The following MDN1 variants were observed in gnomAD, a reference collection of about 807,000 sequenced individuals.
MDN1 encodes the protein midasin AAA ATPase 1, also known as midasin.
A neutral mutation model predicts 669.2 loss-of-function variants in MDN1; 266 were observed. That is an observed-to-expected ratio of 0.40 (90% CI 0.36 to 0.44). The LOEUF (loss-of-function observed/expected upper bound fraction) is 0.44, where lower values mean the gene tolerates loss of function less well. Ranked by LOEUF, MDN1 falls within the 20% of genes least tolerant of loss-of-function variation. The pLI, the probability that MDN1 is intolerant of heterozygous loss-of-function variation, is 1.00. For missense variants in MDN1, 5,940 were observed against 6,754.0 expected, an observed-to-expected ratio of 0.88 and a Z score of 4.22; for synonymous variants, 2,385 against 2,457.1, an observed-to-expected ratio of 0.97 and a Z score of 0.87.
chr6:89,745,134 TAA>T (rs60588845), intron 29 of MDN1, 137 bp downstream of exon 29: 1,363 of 281,470 alleles, frequency 4.8e-3, no homozygotes, highest in Middle Eastern at 6.1e-3. Context: ...AGTCTCTTCT[TAA>T]AAAAAAAAAA....
At chr6:89,775,334 T>TCATGATTAACATATGTA (rs1319269272) in intron 12 of MDN1, among the ~76,000 whole-genome samples, 2 of 152,342 alleles carry the variant, frequency 1.3e-5, no homozygotes, top group African/African-American at 4.8e-5. Context: ...TTCTTCTTTC[T>TCATGATTAACATATGTA]CATGATTAAC....
At chr6:89,781,261 A>G (rs1325909066) in intron 10 of MDN1, 138 bp downstream of exon 10, 5 of 750,128 alleles carry the variant, frequency 6.7e-6, no homozygotes, top group Non-Finnish European at 1.1e-5. Flanking sequence ...TCTAGCTGGT[A>G]AGAACTTTGA....
intron 58 of MDN1, 133 bp from the exon 59 acceptor site, chr6:89,699,168 C>CT (rs1294753620): frequency 5.3e-6 from 4 of 755,864 alleles, no homozygotes; most frequent in Non-Finnish European, 8.2e-6. Context: ...TTCCGTTTCT[C>CT]TGCCACCCCA....
At chr6:89,775,377 G>A (rs1186359395) in intron 12 of MDN1, among the ~76,000 whole-genome samples, 2 of 152,096 alleles carry the variant, frequency 1.3e-5, no homozygotes, top group Non-Finnish European at 2.9e-5. Flanking sequence ...TCAGTAGGAC[G>A]TTCTATGACC....
rs147487565 is a variant in MDN1, at chr6:89,722,610, AG to A, written c.5967+344del. 7.8e-3 allele frequency among the ~76,000 whole-genome samples: 1,188 copies of A among 152,316 alleles called. 17 individuals carry two copies. The highest frequency in any genetic ancestry group is 0.027 in the African/African-American group (1,131 of 41,558). ...ACGCCTGTAATCCCAGCACTTTGGG[AG>A]GCTGAGACAGGTGGATCATCTGAAT... On this transcript the variant is annotated intron_variant, in intron 40 of 101. Coordinates refer to ENST00000369393, the MANE Select transcript of MDN1 (RefSeq NM_014611.3).
intron 12 of MDN1, among the ~76,000 whole-genome samples, chr6:89,775,009 G>C (rs931566381): frequency 6.6e-6 from 1 of 152,070 alleles, no homozygotes; most frequent in Admixed American, 6.6e-5. Context: ...AATAGAGAAA[G>C]TGAACAGTAA....
chr6:89,662,683 G>T, intron 86 of MDN1, 109 bp downstream of exon 86: 1 of 1,265,432 alleles, frequency 7.9e-7, no homozygotes, highest in South Asian at 1.5e-5. Context: ...AGAAAAAAGA[G>T]AACAAAACAA....
intron 11 of MDN1, 130 bp downstream of exon 11, chr6:89,780,081 CA>C (rs1453238995): frequency 2.0e-6 from 1 of 501,722 alleles, no homozygotes; most frequent in Non-Finnish European, 3.4e-6. Context: ...AAAAAAAAAA[CA>C]AAAAAAGAAT....
Position 89,770,727 on chromosome 6 carries a change from T to A in MDN1, c.2144+834A>T, listed in dbSNP as rs550689089. ...CATGTTGGCCAGGCTGGTCTCGAACTCCTGACCTCAAGTGATTCACCCATC... is the reference window on the plus strand; with the variant it reads ...CATGTTGGCCAGGCTGGTCTCGAACACCTGACCTCAAGTGATTCACCCATC... On this transcript the variant is annotated intron_variant, in intron 15 of 101. Coordinates refer to ENST00000369393, the MANE Select transcript of MDN1 (RefSeq NM_014611.3). Among the ~76,000 whole-genome samples, 6 of 152,256 alleles carry A rather than the reference T, an allele frequency of 3.9e-5. No homozygotes were observed. The East Asian group carries it at 1.2e-3, about 29-fold the overall frequency.
chr6:89,695,002 G>A lies in MDN1; in HGVS notation c.9771+603C>T, dbSNP rs896669657. Among the ~76,000 whole-genome samples, 1 of 152,190 alleles carries A rather than the reference G, an allele frequency of 6.6e-6. No homozygotes were observed. Among genetic ancestry groups the A allele is most frequent in the Non-Finnish European group, 1.5e-5 (1 of 68,036 alleles). On this transcript the variant is annotated intron_variant, in intron 61 of 101. Transcript: ENST00000369393. The surrounding 1 kb of genome is among the most constrained non-coding windows in gnomAD (Gnocchi z 4.1). ...TAATCCCAGCACTTTGGGAGGCCAAGGCGGGTGGATCACTTGAGGTCAGAA... is the reference window on the plus strand; with the variant it reads ...TAATCCCAGCACTTTGGGAGGCCAAAGCGGGTGGATCACTTGAGGTCAGAA...
At chr6:89,647,954 A>G in intron 99 of MDN1, 78 bp downstream of exon 99, 1 of 1,141,974 alleles carries the variant, frequency 8.8e-7, no homozygotes, top group Non-Finnish European at 1.3e-6. Flanking sequence ...TCCTGTCTCA[A>G]AAATAAAAAT....
At chr6:89,659,835 T>C (rs1244078919) in intron 88 of MDN1, among the ~76,000 whole-genome samples, 1 of 152,258 alleles carries the variant, frequency 6.6e-6, no homozygotes, top group Admixed American at 6.5e-5. Context: ...TTCTATACTT[T>C]GGACACTTCA....
intron 8 of MDN1, among the ~76,000 whole-genome samples, chr6:89,785,968 T>TA (rs1818935014): frequency 1.3e-5 from 2 of 151,810 alleles, no homozygotes; most frequent in Admixed American, 1.3e-4. Flanking sequence ...GCCTCATCTC[T>TA]AAAAAAACAT....
intron 21 of MDN1, 125 bp from the exon 22 acceptor site, chr6:89,753,747 G>T: frequency 1.3e-6 from 1 of 784,762 alleles, no homozygotes; most frequent in East Asian, 2.7e-5. Context: ...ATAGTAAGGT[G>T]GTAGATAAAG....
chr6:89,798,032 A>T (rs1371612111), intron 2 of MDN1, among the ~76,000 whole-genome samples: 2 of 151,806 alleles, frequency 1.3e-5, no homozygotes, highest in Admixed American at 6.6e-5. Context: ...TACAAAAAAA[A>T]TTAGCCAGGC....
rs1814019341 is a variant in MDN1 at position 89,712,598 on chromosome 6, G to T, written c.7407C>A (p.Ser2469Arg). 2 of 1,613,972 alleles carry T rather than the reference G, an allele frequency of 1.2e-6. No individual in the cohort carries two copies. Among genetic ancestry groups the T allele is most frequent in the Non-Finnish European group, 1.7e-6 (2 of 1,179,996 alleles). ...ACCTTGTCCAGCTGCTGGTTTTCAT[G>T]CTCATCCTGTTGAGACAATATACTA... ...QILVYCLNRM[S>R]MKTSSWTRSQ... is the part of the protein sequence containing the mutation. Residue 2469 changes from serine (S) to arginine (R), a missense_variant, in exon 48 of 102, where the codon AGC becomes AGA. Transcript: ENST00000369393.
At position 89,814,724 on chromosome 6, in the gene MDN1, C is replaced by G. The variant is rs1477584185; in HGVS notation, c.102+4782G>C. ...GAGGGCCTCCATGCACCGGAGATCT[C>G]TCCAGCACCAGGAGCAGCCGCTGGA... On this transcript the variant is annotated intron_variant, in intron 1 of 101. Coordinates refer to ENST00000369393, the MANE Select transcript of MDN1 (RefSeq NM_014611.3). 1.1e-5 allele frequency: 4 copies of G among 356,438 alleles called. No homozygotes were observed. The Admixed American group carries it at 1.4e-4, about 13-fold the overall frequency. The allele number at this position is 356,438 out of a possible 1,614,324, so 22.1% of individuals were successfully genotyped here.
chr6:89,667,012 T>C (rs1810299956), intron 84 of MDN1, among the ~76,000 whole-genome samples: 1 of 152,224 alleles, frequency 6.6e-6, no homozygotes, highest in Non-Finnish European at 1.5e-5. Context: ...CACACTCATA[T>C]ACCTATTTAT....
intron 46 of MDN1, among the ~76,000 whole-genome samples, chr6:89,713,917 A>G (rs1401930141): frequency 6.6e-6 from 1 of 151,940 alleles, no homozygotes. Flanking sequence ...AGGTGCCTGT[A>G]GTCCCAGCTA....
Sources: allele counts gnomAD v4.1 joint callset (sites outside exome capture counted in the v4.1 genomes callset), GRCh38; gene constraint gnomAD v4.1.1; non-coding constraint Gnocchi (gnomAD v3.1); transcripts MANE v1.5; gene names NCBI Gene and HGNC (gene_info 2026-07-23, HGNC 2026-07-21).